NEO1: variants seen among roughly 807,000 people sequenced by gnomAD.
NEO1 encodes the protein neogenin.
In NEO1, 63 loss-of-function variants were observed where a neutral mutation model predicts 159.7. The ratio of observed to expected loss-of-function variants is 0.39; its 90% CI spans 0.32 to 0.49. The LOEUF is 0.49. NEO1 is among the 20% of genes least tolerant of loss of function. NEO1 has a pLI of 0.85. For synonymous variants in NEO1, 633 were observed against 662.0 expected (o/e 0.96, Z 0.67); for missense variants, 1,615 against 1,831.0 (o/e 0.88, Z 2.15).
chr15:73,182,412 TA>T (rs969233962), intron 7 of NEO1, among the ~76,000 whole-genome samples: 1 of 152,124 alleles, frequency 6.6e-6, no homozygotes, highest in African/African-American at 2.4e-5. Context: ...TCTCACCACA[TA>T]AAGAGCTTAG....
At chr15:73,267,205 C>T (rs140683964) in intron 16 of NEO1, among the ~76,000 whole-genome samples, 270 of 152,256 alleles carry the variant, frequency 1.8e-3, no homozygotes, top group African/African-American at 6.2e-3. Flanking sequence ...TTGCAATGAG[C>T]CAAGATCGTG....
At chr15:73,296,668 C>T (rs1046506309) in intron 26 of NEO1, among the ~76,000 whole-genome samples, 2 of 152,124 alleles carry the variant, frequency 1.3e-5, no homozygotes, top group Non-Finnish European at 1.5e-5. Flanking sequence ...CAAGACCCTC[C>T]CCCTCCCCCC....
At chr15:73,066,838 A>G (rs1373307759) in intron 1 of NEO1, among the ~76,000 whole-genome samples, 1 of 152,208 alleles carries the variant, frequency 6.6e-6, no homozygotes, top group East Asian at 1.9e-4. Context: ...TAGCCTTTAG[A>G]ATCTGCCGAT....
intron 1 of NEO1, among the ~76,000 whole-genome samples, chr15:73,065,092 G>T (rs567208473): frequency 8.5e-5 from 13 of 152,100 alleles, no homozygotes; most frequent in African/African-American, 2.9e-4. Flanking sequence ...TTCATGGACA[G>T]TGCAAGGCCT....
Position 73,287,606 on chromosome 15 carries a change from G to A in NEO1, c.3411-707G>A, listed in dbSNP as rs905458225. Among the ~76,000 whole-genome samples the A allele has an allele frequency of 2.6e-4, 40 of 152,204 alleles. 1 individual carries two copies. Among genetic ancestry groups the A allele is most frequent in the Admixed American group, 2.5e-3 (38 of 15,278 alleles). Reference sequence around the variant, plus strand: ...CAGTCTTCGAAGTTGTTCCGGCCAGGTACAGTGGCTCACGCCTGTAATCCC... The same window carrying A: ...CAGTCTTCGAAGTTGTTCCGGCCAGATACAGTGGCTCACGCCTGTAATCCC... On this transcript the variant is annotated intron_variant, in intron 23 of 28. Transcript: ENST00000261908.
At chr15:73,236,591 A>G in intron 8 of NEO1, 85 bp downstream of exon 8, 1 of 1,215,542 alleles carries the variant, frequency 8.2e-7, no homozygotes, top group Non-Finnish European at 1.2e-6. Flanking sequence ...TGGTATCTGT[A>G]CCAATTTTTA....
At chr15:73,137,101 G>C (rs1185644633) in intron 5 of NEO1, among the ~76,000 whole-genome samples, 1 of 152,116 alleles carries the variant, frequency 6.6e-6, no homozygotes, top group Non-Finnish European at 1.5e-5. Context: ...CTGGCCTTTA[G>C]TGCTTTCACA....
chr15:73,126,573 A>G lies in NEO1; in HGVS notation c.878+3A>G, dbSNP rs779765912. 3 of 1,612,130 alleles carry G rather than the reference A, an allele frequency of 1.9e-6. No homozygotes were observed. The Admixed American group carries it at 5.0e-5, about 27-fold the overall frequency. ...GAGGAGGCACTTGACACAGAAAGGT[A>G]AGTGTTGTCTGCCTAAAAGCCTTCT... On this transcript the variant is annotated splice_donor_region_variant and intron_variant, in intron 4 of 28. Coordinates refer to ENST00000261908, the MANE Select transcript of NEO1 (RefSeq NM_002499.4).
At chr15:73,213,465 A>C (rs2037697646) in intron 7 of NEO1, among the ~76,000 whole-genome samples, 1 of 152,164 alleles carries the variant, frequency 6.6e-6, no homozygotes, top group South Asian at 2.1e-4. Context: ...TATCATTCTT[A>C]ATGCCTTTGC....
chr15:73,105,678 T>G (rs959259986), intron 1 of NEO1, among the ~76,000 whole-genome samples: 6 of 152,176 alleles, frequency 3.9e-5, no homozygotes, highest in African/African-American at 1.4e-4. Context: ...GACATTCACT[T>G]TATTTTACTT....
At chr15:73,093,597 A>G (rs2151459969) in intron 1 of NEO1, among the ~76,000 whole-genome samples, 1 of 150,464 alleles carries the variant, frequency 6.6e-6, no homozygotes, top group South Asian at 2.1e-4. Flanking sequence ...TTTTGGATAC[A>G]AGGTCGTGCT....
At chr15:73,152,271 C>A (rs915815519) in intron 5 of NEO1, among the ~76,000 whole-genome samples, 1 of 152,178 alleles carries the variant, frequency 6.6e-6, no homozygotes, top group African/African-American at 2.4e-5. Flanking sequence ...CCCCAAGGCT[C>A]TAATCTTCCC....
intron 7 of NEO1, among the ~76,000 whole-genome samples, chr15:73,199,509 TCCATC>T (rs1299279460): frequency 6.6e-6 from 1 of 152,210 alleles, no homozygotes; most frequent in Non-Finnish European, 1.5e-5. Context: ...CACAGAATTG[TCCATC>T]CTTCCCCATT....
chr15:73,063,629 G>A (rs1595891634), intron 1 of NEO1, among the ~76,000 whole-genome samples: 1 of 33,496 alleles, frequency 3.0e-5, no homozygotes, highest in African/African-American at 9.3e-5. Flanking sequence ...AGCCTTTTTT[G>A]TTTGTTTGTT....
At chr15:73,156,015 A>G (rs2151859303) in intron 5 of NEO1, among the ~76,000 whole-genome samples, 1 of 152,278 alleles carries the variant, frequency 6.6e-6, no homozygotes, top group Admixed American at 6.5e-5. Context: ...GTGTCATAAT[A>G]TGTTGCTTTT....
At chr15:73,087,159 G>C (rs1046289106) in intron 1 of NEO1, among the ~76,000 whole-genome samples, 3 of 152,016 alleles carry the variant, frequency 2.0e-5, no homozygotes, top group African/African-American at 7.2e-5. Context: ...TCTCTTTTTT[G>C]AGTTAAACTC....
At chr15:73,166,984 A>G (rs1596229482) in intron 5 of NEO1, among the ~76,000 whole-genome samples, 1 of 152,050 alleles carries the variant, frequency 6.6e-6, no homozygotes, top group Non-Finnish European at 1.5e-5. Flanking sequence ...AGGGACATGG[A>G]TGAAGCTGGA....
At chr15:73,149,627 AT>A (rs1263478051) in intron 5 of NEO1, among the ~76,000 whole-genome samples, 2 of 152,196 alleles carry the variant, frequency 1.3e-5, no homozygotes. Flanking sequence ...AAGATACGAT[AT>A]TTTTAACAGA....
intron 2 of NEO1, among the ~76,000 whole-genome samples, chr15:73,117,061 T>G (rs771098382): frequency 5.9e-5 from 9 of 152,172 alleles, no homozygotes; most frequent in Non-Finnish European, 1.2e-4. Context: ...GTAGCGTGTT[T>G]CCACTTGTCT....
Sources: gnomAD v4.1 joint callset for allele counts (sites outside exome capture counted in the v4.1 genomes callset) on GRCh38, gnomAD v4.1.1 for gene constraint, MANE v1.5 for transcripts, NCBI Gene and HGNC (gene_info 2026-07-23, HGNC 2026-07-21) for gene names.